REV1: variants seen among roughly 807,000 people sequenced by gnomAD.
REV1 encodes the protein REV1 DNA directed polymerase.
In REV1, 42 loss-of-function variants were observed where a neutral mutation model predicts 137.4. The observed-to-expected ratio is 0.31, with a 90% CI of 0.24 to 0.40. REV1 has a LOEUF of 0.40. Among genes scored for constraint, REV1 ranks in the 10% least tolerant of loss-of-function variants. The pLI is 1.00. For synonymous variants in REV1, 524 were observed against 519.2 expected (o/e 1.01, Z -0.12); for missense variants, 1,282 against 1,490.1 (o/e 0.86, Z 2.30).
intron 13 of REV1, 78 bp from the exon 14 acceptor site, chr2:99,410,945 T>C: frequency 7.6e-7 from 1 of 1,315,550 alleles, no homozygotes; most frequent in South Asian, 1.5e-5. Context: ...TATTTTAACT[T>C]TGAATATTAA....
Position 99,435,905 on chromosome 2 carries a change from C to T in REV1, c.1250G>A (p.Ser417Asn), listed in dbSNP as rs1283660396. 1 of 1,607,352 alleles carries T rather than the reference C, an allele frequency of 6.2e-7. No homozygotes were observed. The highest frequency in any genetic ancestry group is 8.5e-7 in the Non-Finnish European group (1 of 1,174,860). Residue 417 changes from serine to asparagine, a missense_variant, in exon 7 of 23, where the codon AGC (serine) becomes AAC (asparagine). Ser to Asn is a conservative substitution (Grantham distance 46). Coordinates refer to ENST00000258428, the MANE Select transcript of REV1 (RefSeq NM_016316.4). ...MSVLNSPRHQ[S>N]CIMHVDMDCF... Reference sequence around the variant, plus strand: ...ATCCATATCAACATGCATTATACAGCTCTGATGTCTGGGAGAATTCAATAC... The same window carrying T: ...ATCCATATCAACATGCATTATACAGTTCTGATGTCTGGGAGAATTCAATAC...
Position 99,406,435 on chromosome 2 carries a change from G to A in REV1, c.2504C>T (p.Pro835Leu), listed in dbSNP as rs752699126. 1 of 1,613,398 alleles carries A rather than the reference G, an allele frequency of 6.2e-7. No homozygotes were observed. The highest frequency in any genetic ancestry group is 8.5e-7 in the Non-Finnish European group (1 of 1,179,598). ...VPTNLNPSTCPSRPSVQSSHF... is the reference protein window; with the variant it reads ...VPTNLNPSTCLSRPSVQSSHF... Reference sequence around the variant, plus strand: ...GCTTGACTGAACTGATGGGCGACTGGGACATGTGGAAGGGTTCAGATTAGT... The same window carrying A: ...GCTTGACTGAACTGATGGGCGACTGAGACATGTGGAAGGGTTCAGATTAGT... The change falls in exon 16 of 23, where the codon CCC becomes CTC. Residue 835 changes from proline to leucine, a missense_variant. By Grantham distance (98) the Pro-to-Leu change is moderately conservative. Around this residue, in one of 7 missense-constraint regions of REV1, gnomAD observed 372 missense variants for 482.3 expected, o/e 0.77. Transcript: ENST00000258428.
chr2:99,488,752 A>C (rs1687359279), intron 1 of REV1, among the ~76,000 whole-genome samples: 1 of 152,210 alleles, frequency 6.6e-6, no homozygotes, highest in South Asian at 2.1e-4. Flanking sequence ...GAAAGAACCA[A>C]GGTTATGGTT....
At position 99,410,781 on chromosome 2, in the gene REV1, T is replaced by C. The variant is rs778652306; in HGVS notation, c.2259A>G (p.Leu753=). 1.9e-6 allele frequency: 3 copies of C among 1,612,848 alleles called. No homozygotes were observed. The highest frequency in any genetic ancestry group is 2.2e-5 in the East Asian group (1 of 44,844). The change falls in exon 14 of 23, where the codon CTA becomes CTG. Residue 753 remains leucine (L), a synonymous_variant. Transcript: ENST00000258428. ...GCTTTCGTACCATGATTTTGAGAGT[T>C]AGACGTTTACCCTTCATGCCAGTGG... ...LEATGMKGKR[L]TLKIMVRKPG...
intron 4 of REV1, among the ~76,000 whole-genome samples, chr2:99,444,969 T>TA (rs1682001235): frequency 6.6e-6 from 1 of 152,208 alleles, no homozygotes; most frequent in Non-Finnish European, 1.5e-5. Context: ...GGTTTCCTTA[T>TA]ACACTGAGTT....
At chr2:99,467,119 C>A (rs1235145963) in intron 1 of REV1, among the ~76,000 whole-genome samples, 1 of 152,190 alleles carries the variant, frequency 6.6e-6, no homozygotes, top group Non-Finnish European at 1.5e-5. Context: ...TATTTTAATA[C>A]ATTTGGTGGC....
At chr2:99,461,864 G>C (rs959929) in intron 3 of REV1, among the ~76,000 whole-genome samples, 92,654 of 152,068 alleles carry the variant, frequency 0.61, 28,938 homozygotes, top group African/African-American at 0.72. Flanking sequence ...AACAGGCAAA[G>C]AAGCATTTGC....
At chr2:99,437,334 TCTATCA>T (rs1311410919) in intron 6 of REV1, among the ~76,000 whole-genome samples, 1 of 152,014 alleles carries the variant, frequency 6.6e-6, no homozygotes, top group Admixed American at 6.6e-5. Flanking sequence ...TCATGGACTA[TCTATCA>T]CTTCTATTCA....
intron 12 of REV1, among the ~76,000 whole-genome samples, chr2:99,415,071 G>C (rs1053486745): frequency 1.3e-5 from 2 of 152,178 alleles, no homozygotes; most frequent in South Asian, 4.1e-4. Flanking sequence ...AACCGGAGGT[G>C]GGGGAGGGAG....
Position 99,406,108 on chromosome 2 carries a change from T to C in REV1, c.2615-2A>G. The C allele has an allele frequency of 6.2e-7, 1 of 1,607,320 alleles. No individual in the cohort carries two copies. On this transcript the variant is annotated splice_acceptor_variant, in intron 16 of 22. Coordinates refer to ENST00000258428, the MANE Select transcript of REV1 (RefSeq NM_016316.4). LOFTEE classifies it high-confidence loss of function. The stretch of plus-strand genomic sequence containing the variant: ...CCAGATCCACAGCAGCCCGAAATAC[T>C]ACAAAAAGAAAATATATAAAATAGC...
At position 99,462,601 on chromosome 2, in the gene REV1, C is replaced by A; in HGVS notation, c.76G>T (p.Val26Phe). 1 of 1,612,910 alleles carries A rather than the reference C, an allele frequency of 6.2e-7. No homozygotes were observed. Among genetic ancestry groups the A allele is most frequent in the Non-Finnish European group, 8.5e-7 (1 of 1,179,726 alleles). Residue 26 changes from valine (V) to phenylalanine (F), a missense_variant, in exon 3 of 23, where the codon GTC (valine) becomes TTC (phenylalanine). Coordinates refer to ENST00000258428, the MANE Select transcript of REV1 (RefSeq NM_016316.4). ...ETWGGYMAAK[V>F]QKLEEQFRSD... ...CGAAACTGTTCCTCCAATTTCTGGA[C>A]CTTGGCAGCCATATACCCACCCTAG...
intron 21 of REV1, 99 bp downstream of exon 21, chr2:99,402,545 A>C: frequency 1.6e-6 from 2 of 1,215,776 alleles, no homozygotes; most frequent in Non-Finnish European, 2.3e-6. Flanking sequence ...TCAGAGTTAG[A>C]GAAATGGGTT....
At chr2:99,472,615 G>A (rs1007372966) in intron 1 of REV1, among the ~76,000 whole-genome samples, 1 of 152,236 alleles carries the variant, frequency 6.6e-6, no homozygotes, top group Non-Finnish European at 1.5e-5. Context: ...GCAGTGGACA[G>A]GATCTTCAGG....
intron 22 of REV1, among the ~76,000 whole-genome samples, chr2:99,401,892 A>AC (rs1298758545): frequency 1.1e-4 from 10 of 91,762 alleles, no homozygotes; most frequent in African/African-American, 4.4e-4. Context: ...GGTGGGCACC[A>AC]CCACCCCCCC....
chr2:99,436,355 G>T lies in REV1; in HGVS notation c.1214-414C>A, dbSNP rs28382893. Among the ~76,000 whole-genome samples, 4 of 152,232 alleles carry T rather than the reference G, an allele frequency of 2.6e-5. No homozygotes were observed. The East Asian group carries it at 7.7e-4, about 29-fold the overall frequency. On this transcript the variant is annotated intron_variant, in intron 6 of 22. Coordinates refer to ENST00000258428, the MANE Select transcript of REV1 (RefSeq NM_016316.4). ...GGCACTGCTGTTAAGAGGTTTATGTGTATGTATTTATTTAAATTCTCACAA... is the reference window on the plus strand; with the variant it reads ...GGCACTGCTGTTAAGAGGTTTATGTTTATGTATTTATTTAAATTCTCACAA...
At chr2:99,479,727 G>T (rs1314085516) in intron 1 of REV1, among the ~76,000 whole-genome samples, 1 of 151,986 alleles carries the variant, frequency 6.6e-6, no homozygotes, top group African/African-American at 2.4e-5. Context: ...GGTCAAGGCT[G>T]CAGTGAACCA....
chr2:99,464,669 T>A (rs1420050771), intron 2 of REV1, among the ~76,000 whole-genome samples: 1 of 152,218 alleles, frequency 6.6e-6, no homozygotes, highest in Non-Finnish European at 1.5e-5. Context: ...TTAGCAATGC[T>A]GCAATAAAAT....
At chr2:99,444,256 T>C (rs535310997) in intron 4 of REV1, among the ~76,000 whole-genome samples, 1 of 152,360 alleles carries the variant, frequency 6.6e-6, no homozygotes, top group African/African-American at 2.4e-5. Context: ...ATCCTAACCT[T>C]AGCTTTCCAT....
chr2:99,410,606 A>C, intron 14 of REV1, 89 bp downstream of exon 14: 1 of 1,193,034 alleles, frequency 8.4e-7, no homozygotes, highest in East Asian at 2.5e-5. Context: ...TCTTTATTCA[A>C]ACTCCTCCTT....
Sources: gnomAD v4.1 joint callset for allele counts (sites outside exome capture counted in the v4.1 genomes callset) on GRCh38, gnomAD v4.1.1 for gene constraint, gnomAD v4.1.1 regional missense constraint, MANE v1.5 for transcripts, NCBI Gene and HGNC (gene_info 2026-07-23, HGNC 2026-07-21) for gene names.